NR5A2: variants seen among roughly 807,000 people sequenced by gnomAD.
The protein encoded by NR5A2 is CYP7A promoter-binding factor.
A neutral mutation model predicts 62.7 loss-of-function variants in NR5A2; 26 were observed. The ratio of observed to expected loss-of-function variants is 0.41; its 90% CI spans 0.30 to 0.58. The LOEUF is 0.58. NR5A2 is among the 20% of genes least tolerant of loss of function. NR5A2 has a pLI of 0.22. For missense variants in NR5A2, 541 were observed against 669.1 expected (o/e 0.81, Z 2.11); for synonymous variants, 246 against 241.7 (o/e 1.02, Z -0.16).
At chr1:200,129,103 G>C (rs1195236830) in intron 7 of NR5A2, among the ~76,000 whole-genome samples, 1 of 152,114 alleles carries the variant, frequency 6.6e-6, no homozygotes, top group African/African-American at 2.4e-5. Context: ...TAGAGTGGTT[G>C]GTAAGGCAAC....
intron 1 of NR5A2, among the ~76,000 whole-genome samples, chr1:200,037,604 C>T (rs1402704211): frequency 6.6e-6 from 1 of 152,182 alleles, no homozygotes; most frequent in African/African-American, 2.4e-5. Context: ...ATACTTAAAA[C>T]AACTAGGAAT....
At chr1:200,163,492 T>C (rs1418768281) in intron 7 of NR5A2, among the ~76,000 whole-genome samples, 3 of 151,368 alleles carry the variant, frequency 2.0e-5, no homozygotes, top group African/African-American at 7.3e-5. Context: ...TATTGTTTTT[T>C]TTTTTTTGAG....
intron 5 of NR5A2, among the ~76,000 whole-genome samples, chr1:200,094,267 C>T (rs1664963275): frequency 6.6e-6 from 1 of 150,826 alleles, no homozygotes. Context: ...TCACTGCAAC[C>T]TTTAAGCAAG....
chr1:200,151,759 A>G (rs542465546), intron 7 of NR5A2, among the ~76,000 whole-genome samples: 41 of 152,304 alleles, frequency 2.7e-4, no homozygotes, highest in African/African-American at 9.4e-4. Flanking sequence ...TTTCTTTTGC[A>G]TTTGTCTTCT....
intron 5 of NR5A2, among the ~76,000 whole-genome samples, chr1:200,081,092 T>G (rs534379952): frequency 6.6e-6 from 1 of 152,202 alleles, no homozygotes; most frequent in Non-Finnish European, 1.5e-5. Flanking sequence ...TTGAGTTGAA[T>G]GAGGAGCATT....
chr1:200,113,396 A>G (rs1023145965), intron 6 of NR5A2, among the ~76,000 whole-genome samples: 1 of 152,216 alleles, frequency 6.6e-6, no homozygotes, highest in African/African-American at 2.4e-5. Context: ...TATGGCAATT[A>G]TGGTAGACAT....
At chr1:200,072,716 A>T in intron 5 of NR5A2, among the ~76,000 whole-genome samples, 1 of 152,228 alleles carries the variant, frequency 6.6e-6, no homozygotes, top group East Asian at 1.9e-4. Context: ...AATATAAATG[A>T]ATAAAGTGTG....
At chr1:200,151,060 G>A (rs1357105193) in intron 7 of NR5A2, among the ~76,000 whole-genome samples, 2 of 152,182 alleles carry the variant, frequency 1.3e-5, no homozygotes, top group Non-Finnish European at 2.9e-5. Context: ...TTCTTGGAGT[G>A]TAAGGCATTT....
At chr1:200,130,196 AT>A (rs1666904049) in intron 7 of NR5A2, among the ~76,000 whole-genome samples, 1 of 149,920 alleles carries the variant, frequency 6.7e-6, no homozygotes. Flanking sequence ...ATGAATCCCC[AT>A]TTTGCTTTTT....
Position 200,048,149 on chromosome 1 carries a change from TC to T in NR5A2, c.464-17del. On this transcript the variant is annotated intron_variant, in intron 4 of 7. Transcript: ENST00000367362. The surrounding 1 kb of genome is among the most constrained non-coding windows in gnomAD (Gnocchi z 4.8). The stretch of plus-strand genomic sequence containing the variant: ...CACCTTATTTATACCTTTCCTTCCT[TC>T]CCCCCACCCCACCCCCAACAGCTGT... 6.4e-7 allele frequency: 1 copy of T among 1,566,162 alleles called. No individual in the cohort carries two copies. The highest frequency in any genetic ancestry group is 8.6e-7 in the Non-Finnish European group (1 of 1,157,802).
chr1:200,135,999 A>G (rs976603170), intron 7 of NR5A2, among the ~76,000 whole-genome samples: 6 of 152,250 alleles, frequency 3.9e-5, no homozygotes, highest in African/African-American at 1.4e-4. Context: ...CAAAGGCATC[A>G]TTATTATCCT....
At chr1:200,117,700 C>T (rs1056087838) in intron 6 of NR5A2, among the ~76,000 whole-genome samples, 17 of 151,906 alleles carry the variant, frequency 1.1e-4, no homozygotes, top group Admixed American at 9.2e-4. Context: ...CAGGCCTTAA[C>T]TAGTGATTTT....
intron 1 of NR5A2, among the ~76,000 whole-genome samples, chr1:200,034,294 T>C (rs1661666273): frequency 6.6e-6 from 1 of 152,162 alleles, no homozygotes; most frequent in Admixed American, 6.5e-5. Flanking sequence ...GAACTGGAAC[T>C]GGCTCAAATT....
At chr1:200,165,892 C>T (rs1246449846) in intron 7 of NR5A2, among the ~76,000 whole-genome samples, 1 of 152,178 alleles carries the variant, frequency 6.6e-6, no homozygotes, top group Non-Finnish European at 1.5e-5. Flanking sequence ...AGTTCATTTG[C>T]ATTGTTATAC....
At chr1:200,070,736 G>A (rs1157404131) in intron 5 of NR5A2, among the ~76,000 whole-genome samples, 1 of 150,442 alleles carries the variant, frequency 6.6e-6, no homozygotes, top group South Asian at 2.1e-4. Context: ...TCAAAAATCT[G>A]TTCCAACCCC....
intron 7 of NR5A2, among the ~76,000 whole-genome samples, chr1:200,122,690 A>G (rs1666529724): frequency 6.6e-6 from 1 of 152,188 alleles, no homozygotes; most frequent in African/African-American, 2.4e-5. Flanking sequence ...ATGTTTAATG[A>G]GCACTTCGAT....
chr1:200,038,571 A>T, intron 1 of NR5A2: 1 of 537,150 alleles, frequency 1.9e-6, no homozygotes, highest in South Asian at 1.5e-5. Context: ...TGCATGTAAG[A>T]ACGGTCAGCT....
intron 5 of NR5A2, among the ~76,000 whole-genome samples, chr1:200,053,608 A>ACAC: frequency 9.9e-6 from 1 of 101,166 alleles, no homozygotes. Context: ...CACACACACA[A>ACAC]AGAGGCAGTG....
chr1:200,096,802 A>G (rs1185104233), intron 5 of NR5A2, among the ~76,000 whole-genome samples: 1 of 152,206 alleles, frequency 6.6e-6, no homozygotes, highest in Non-Finnish European at 1.5e-5. Flanking sequence ...AATACTTACC[A>G]TTATAAGTAT....
Sources: allele counts gnomAD v4.1 joint callset (sites outside exome capture counted in the v4.1 genomes callset), GRCh38; gene constraint gnomAD v4.1.1; non-coding constraint Gnocchi (gnomAD v3.1); transcripts MANE v1.5; gene names NCBI Gene and HGNC (gene_info 2026-07-23, HGNC 2026-07-21).